Variants in UBE2E2 observed in about 807,000 individuals in gnomAD.
UBE2E2 encodes the protein ubiquitin-conjugating enzyme E2 E2.
UBE2E2 carries 6 observed loss-of-function variants against 24.7 expected under a neutral mutation model. The observed-to-expected ratio is 0.24, with a 90% CI of 0.13 to 0.48. The LOEUF is 0.48. UBE2E2 is among the 20% of genes least tolerant of loss of function. UBE2E2 has a pLI of 0.99. For missense variants in UBE2E2, 169 were observed against 245.0 expected (o/e 0.69, Z 2.07); for synonymous variants, 104 against 83.6 (o/e 1.24, Z -1.33).
At chr3:23,425,174 A>G (rs993436243) in intron 3 of UBE2E2, among the ~76,000 whole-genome samples, 1 of 152,190 alleles carries the variant, frequency 6.6e-6, no homozygotes, top group Non-Finnish European at 1.5e-5. Flanking sequence ...GAGTAAGTCC[A>G]TAAGGACTAA....
intron 3 of UBE2E2, among the ~76,000 whole-genome samples, chr3:23,464,742 A>G (rs1233300649): frequency 2.0e-5 from 3 of 152,170 alleles, no homozygotes; most frequent in African/African-American, 7.2e-5. Flanking sequence ...TAATTAAATA[A>G]CCTTTCTGAA....
chr3:23,566,799 TCAG>T (rs1336616574), intron 5 of UBE2E2, among the ~76,000 whole-genome samples: 1 of 152,160 alleles, frequency 6.6e-6, no homozygotes, highest in Non-Finnish European at 1.5e-5. Flanking sequence ...GGGTCACATG[TCAG>T]CAGATTTGGA....
intron 3 of UBE2E2, among the ~76,000 whole-genome samples, chr3:23,294,175 G>C (rs891664431): frequency 3.3e-5 from 5 of 152,192 alleles, no homozygotes; most frequent in African/African-American, 1.2e-4. Flanking sequence ...TTTTCAGCTA[G>C]ATAATTCTAG....
At chr3:23,538,280 G>T (rs574628508) in intron 5 of UBE2E2, among the ~76,000 whole-genome samples, 1 of 152,194 alleles carries the variant, frequency 6.6e-6, no homozygotes, top group Admixed American at 6.5e-5. Context: ...CTTGTCTTCT[G>T]TCAACTTCTG....
intron 3 of UBE2E2, among the ~76,000 whole-genome samples, chr3:23,288,689 G>A (rs1433328152): frequency 6.7e-6 from 1 of 150,200 alleles, no homozygotes; most frequent in African/African-American, 2.4e-5. Flanking sequence ...TATAGTTTTT[G>A]TTTTGAAATC....
intron 3 of UBE2E2, among the ~76,000 whole-genome samples, chr3:23,371,451 A>G (rs1477409882): frequency 6.6e-6 from 1 of 152,158 alleles, no homozygotes; most frequent in Non-Finnish European, 1.5e-5. Flanking sequence ...CTCTGAATTA[A>G]ATATATTTTC....
At chr3:23,250,607 T>A (rs1697549277) in intron 3 of UBE2E2, among the ~76,000 whole-genome samples, 1 of 152,264 alleles carries the variant, frequency 6.6e-6, no homozygotes, top group South Asian at 2.1e-4. Flanking sequence ...ATGCATTGTC[T>A]CTTATGATAC....
rs1695184974 is a variant in UBE2E2 at position 23,533,770 on chromosome 3, G to A, written c.508+1069G>A. Among the ~76,000 whole-genome samples, 4 of 151,906 alleles carry A rather than the reference G, an allele frequency of 2.6e-5. No homozygotes were observed. In the South Asian group the frequency reaches 8.3e-4, roughly 32 times the overall value. ...CCCAAGTAGCTGGGATTACAGCCGT[G>A]TGCCGCCAAGCCCAGCTTATTTTTG... On this transcript the variant is annotated intron_variant, in intron 5 of 5. Coordinates refer to ENST00000396703, the MANE Select transcript of UBE2E2 (RefSeq NM_152653.4).
chr3:23,262,655 G>T (rs1697935150), intron 3 of UBE2E2, among the ~76,000 whole-genome samples: 1 of 151,646 alleles, frequency 6.6e-6, no homozygotes, highest in Admixed American at 6.6e-5. Context: ...ATATATTTTG[G>T]GTATTAAGCC....
intron 3 of UBE2E2, among the ~76,000 whole-genome samples, chr3:23,415,701 T>A (rs1301152332): frequency 6.6e-6 from 1 of 152,212 alleles, no homozygotes; most frequent in African/African-American, 2.4e-5. Flanking sequence ...GTAGGTCATA[T>A]CAGTAAATAA....
intron 4 of UBE2E2, among the ~76,000 whole-genome samples, chr3:23,508,353 T>G (rs915224717): frequency 1.8e-4 from 28 of 152,242 alleles, no homozygotes; most frequent in African/African-American, 6.5e-4. Flanking sequence ...AACTTTATTG[T>G]AAGCCAAATT....
At chr3:23,376,729 A>G (rs73138419) in intron 3 of UBE2E2, among the ~76,000 whole-genome samples, 169 of 152,312 alleles carry the variant, frequency 1.1e-3, no homozygotes, top group African/African-American at 3.4e-3. Flanking sequence ...CCCTGTGGCA[A>G]TGTCACAGCA....
chr3:23,582,734 T>A (rs1405372780), intron 5 of UBE2E2, among the ~76,000 whole-genome samples: 1 of 152,146 alleles, frequency 6.6e-6, no homozygotes, highest in African/African-American at 2.4e-5. Flanking sequence ...TTGCCCACCT[T>A]TTAATGGGGT....
At chr3:23,256,309 C>T (rs931701058) in intron 3 of UBE2E2, among the ~76,000 whole-genome samples, 3 of 152,090 alleles carry the variant, frequency 2.0e-5, no homozygotes, top group Non-Finnish European at 4.4e-5. Flanking sequence ...TTATTTTAGC[C>T]ATTTGTACAT....
intron 3 of UBE2E2, among the ~76,000 whole-genome samples, chr3:23,268,715 A>G (rs1219754783): frequency 1.3e-5 from 2 of 149,696 alleles, no homozygotes; most frequent in East Asian, 3.9e-4. Flanking sequence ...TAAAGTTCAT[A>G]TGGAACCAAA....
intron 3 of UBE2E2, among the ~76,000 whole-genome samples, chr3:23,448,265 G>C (rs1183915897): frequency 6.6e-6 from 1 of 152,118 alleles, no homozygotes; most frequent in Admixed American, 6.5e-5. Context: ...TAGGAACTTA[G>C]GTCAACTCCT....
chr3:23,579,033 G>C (rs1225596884), intron 5 of UBE2E2, among the ~76,000 whole-genome samples: 1 of 152,164 alleles, frequency 6.6e-6, no homozygotes, highest in African/African-American at 2.4e-5. Context: ...TTTCATGCCT[G>C]CTAACACAGC....
At chr3:23,247,500 G>A (rs535540118) in intron 3 of UBE2E2, among the ~76,000 whole-genome samples, 1 of 152,166 alleles carries the variant, frequency 6.6e-6, no homozygotes, top group Non-Finnish European at 1.5e-5. Flanking sequence ...GATTACAGGT[G>A]CCCGCCACCA....
intron 3 of UBE2E2, among the ~76,000 whole-genome samples, chr3:23,380,662 G>C (rs548816622): frequency 6.6e-6 from 1 of 151,970 alleles, no homozygotes; most frequent in African/African-American, 2.4e-5. Flanking sequence ...TTTACCTTTC[G>C]TGTTCTGTGC....
Sources: gnomAD v4.1 joint callset for allele counts (sites outside exome capture counted in the v4.1 genomes callset) on GRCh38, gnomAD v4.1.1 for gene constraint, MANE v1.5 for transcripts, NCBI Gene and HGNC (gene_info 2026-07-23, HGNC 2026-07-21) for gene names.